Variants in FBXO34 observed in about 807,000 individuals in gnomAD.
FBXO34 encodes F-box protein 34.
FBXO34 carries 12 observed loss-of-function variants against 24.5 expected under a neutral mutation model. The observed-to-expected ratio is 0.49, with a 90% confidence interval of 0.31 to 0.79. The LOEUF is 0.79. Among genes scored for constraint, FBXO34 ranks in the 30% least tolerant of loss-of-function variants. The pLI is 0.04. For missense variants in FBXO34, 823 were observed against 857.7 expected (o/e 0.96, Z 0.51); for synonymous variants, 320 against 311.9 (o/e 1.03, Z -0.27).
the FBXO34 span, among the ~76,000 whole-genome samples, chr14:55,439,599 T>C: frequency 2.1e-3 from 216 of 102,818 alleles, 1 homozygote; most frequent in African/African-American, 8.3e-3. Flanking sequence ...AACACCAGCC[T>C]GGGGAGAAAA....
the FBXO34 span, chr14:55,413,765 G>A: frequency 1.2e-5 from 4 of 322,710 alleles, 1 homozygote; most frequent in East Asian, 2.4e-4. Flanking sequence ...GATCAACTGA[G>A]GTCAGGAGTT....
chr14:55,373,083 A>G (rs7150763), downstream of FBXO34, among the ~76,000 whole-genome samples: 47,168 of 152,034 alleles, frequency 0.31, 7,533 homozygotes, highest in Non-Finnish European at 0.34. Flanking sequence ...CCTGCCTGCC[A>G]GACCCCAAGC....
At chr14:55,277,712 T>C (rs559410250) in intron 1 of FBXO34, among the ~76,000 whole-genome samples, 1 of 152,294 alleles carries the variant, frequency 6.6e-6, no homozygotes, top group South Asian at 2.1e-4. Context: ...GACGCAAGTT[T>C]CTTAGGAGTG....
chr14:55,317,143 G>C (rs1206398173), intron 1 of FBXO34, among the ~76,000 whole-genome samples: 2 of 152,114 alleles, frequency 1.3e-5, no homozygotes, highest in Non-Finnish European at 2.9e-5. Flanking sequence ...TACTGTGTCA[G>C]CCTTTTGGGA....
At chr14:55,419,669 G>A in the FBXO34 span, among the ~76,000 whole-genome samples, 1 of 152,190 alleles carries the variant, frequency 6.6e-6, no homozygotes, top group Admixed American at 6.5e-5. Context: ...CATGGTGGCT[G>A]TAGCTGTGGC....
chr14:55,316,633 T>G (rs1594747267), intron 1 of FBXO34, among the ~76,000 whole-genome samples: 2 of 138,386 alleles, frequency 1.4e-5, no homozygotes, highest in Admixed American at 7.4e-5. Context: ...GTGGCTGAGG[T>G]GGGAGGATCA....
chr14:55,414,339 A>C, the FBXO34 span: 4 of 1,447,248 alleles, frequency 2.8e-6, no homozygotes, highest in East Asian at 9.1e-5. Flanking sequence ...GCTTATGGAC[A>C]TATTCAAACC....
downstream of FBXO34, among the ~76,000 whole-genome samples, chr14:55,363,025 T>C (rs72717729): frequency 5.2e-4 from 37 of 71,604 alleles, no homozygotes; most frequent in South Asian, 8.8e-4. Context: ...CTCTCTCTCT[T>C]TTTTTTTTTT....
chr14:55,355,387 G>A (rs367722707), downstream of FBXO34, among the ~76,000 whole-genome samples: 21 of 152,088 alleles, frequency 1.4e-4, no homozygotes, highest in East Asian at 7.7e-4. Context: ...GCCTTTCAGC[G>A]CCCTCTGCAC....
chr14:55,417,044 G>T, the FBXO34 span, among the ~76,000 whole-genome samples: 2 of 152,166 alleles, frequency 1.3e-5, no homozygotes, highest in Non-Finnish European at 2.9e-5. Flanking sequence ...GGAGGCCCCT[G>T]GGGGGCGCCC....
At chr14:55,431,681 A>G in the FBXO34 span, among the ~76,000 whole-genome samples, 45,672 of 152,090 alleles carry the variant, frequency 0.3, 9,392 homozygotes, top group African/African-American at 0.6. Context: ...GTAAAAACAG[A>G]TTGGGGGAAA....
exon 3 of FBXO34, chr14:55,367,733 G>A (rs1884712457): frequency 7.1e-6 from 1 of 140,350 alleles, no homozygotes; most frequent in African/African-American, 2.6e-5. Context: ...AGCTGAGTGA[G>A]ACTCCGTCTC....
intron 1 of FBXO34, among the ~76,000 whole-genome samples, chr14:55,320,450 C>G (rs1371317633): frequency 2.6e-5 from 4 of 152,086 alleles, no homozygotes; most frequent in African/African-American, 9.7e-5. Context: ...ATACTGGGTG[C>G]TTTTAAAAAA....
At chr14:55,295,093 G>A (rs1882073382) in intron 1 of FBXO34, among the ~76,000 whole-genome samples, 1 of 152,154 alleles carries the variant, frequency 6.6e-6, no homozygotes, top group African/African-American at 2.4e-5. Context: ...TTGAAGTGCA[G>A]TTTCTACTGA....
intron 1 of FBXO34, among the ~76,000 whole-genome samples, chr14:55,341,582 C>T (rs1169827658): frequency 2.6e-5 from 4 of 152,170 alleles, no homozygotes; most frequent in East Asian, 1.9e-4. Context: ...ATAGGAACTC[C>T]GAATATCTGA....
At chr14:55,357,690 G>A (rs747789153), downstream of FBXO34, among the ~76,000 whole-genome samples, 1 of 152,178 alleles carries the variant, frequency 6.6e-6, no homozygotes, top group Non-Finnish European at 1.5e-5. Context: ...GCACACACCT[G>A]TAGCCCCTGC....
chr14:55,318,403 T>G, intron 1 of FBXO34: 1 of 82,460 alleles, frequency 1.2e-5, no homozygotes, highest in African/African-American at 5.6e-5. Flanking sequence ...TATATATATA[T>G]ATATATATGC....
At chr14:55,431,239 A>G in the FBXO34 span, among the ~76,000 whole-genome samples, 2 of 152,230 alleles carry the variant, frequency 1.3e-5, no homozygotes, top group Non-Finnish European at 2.9e-5. Flanking sequence ...AACCAAATAT[A>G]TTTGGATAAA....
At chr14:55,293,261 C>T (rs1011703729) in intron 1 of FBXO34, among the ~76,000 whole-genome samples, 1 of 151,814 alleles carries the variant, frequency 6.6e-6, no homozygotes, top group African/African-American at 2.4e-5. Flanking sequence ...TCACTGCAGG[C>T]TCCGCTGCTG....
Sources: allele counts gnomAD v4.1 joint callset (sites outside exome capture counted in the v4.1 genomes callset), GRCh38; gene constraint gnomAD v4.1.1; transcripts MANE v1.5; gene names NCBI Gene and HGNC (gene_info 2026-07-23, HGNC 2026-07-21).